The following MROH9 variants were observed in gnomAD, a reference collection of about 807,000 sequenced individuals.
MROH9 encodes maestro heat like repeat family member 9.
Under a neutral mutation model 98.2 loss-of-function variants are expected in MROH9, and 92 were observed. The observed-to-expected ratio is 0.94, with a 90% CI of 0.79 to 1.11. The LOEUF (loss-of-function observed/expected upper bound fraction) is 1.11. Among genes scored for constraint, MROH9 ranks in the 50% most tolerant of loss-of-function variants. The pLI is 0.00. For synonymous variants in MROH9, 397 were observed against 368.9 expected (o/e 1.08, Z -0.87); for missense variants, 1,057 against 1,014.8 (o/e 1.04, Z -0.57).
chr1:171,006,888 A>G (rs1651972910), intron 15 of MROH9, among the ~76,000 whole-genome samples: 1 of 151,526 alleles, frequency 6.6e-6, no homozygotes, highest in Admixed American at 6.6e-5. Context: ...TTAGTTGTCC[A>G]TCAGTGTTTT....
At chr1:171,011,336 G>C (rs1485713834) in intron 15 of MROH9, among the ~76,000 whole-genome samples, 1 of 152,134 alleles carries the variant, frequency 6.6e-6, no homozygotes, top group African/African-American at 2.4e-5. Context: ...CCACCCTACA[G>C]ATTACTTACT....
chr1:171,006,105 G>T (rs760123521), intron 15 of MROH9, among the ~76,000 whole-genome samples: 2 of 152,166 alleles, frequency 1.3e-5, no homozygotes, highest in Non-Finnish European at 2.9e-5. Flanking sequence ...TTTCTTGTAA[G>T]TTAGGTCTCA....
At chr1:171,056,108 G>A (rs1186811593) in intron 20 of MROH9, among the ~76,000 whole-genome samples, 1 of 152,208 alleles carries the variant, frequency 6.6e-6, no homozygotes, top group Admixed American at 6.5e-5. Flanking sequence ...CTCTGCTTAA[G>A]CCTGCCGAGC....
At chr1:171,019,224 A>G (rs1243527452) in intron 17 of MROH9, among the ~76,000 whole-genome samples, 1 of 152,266 alleles carries the variant, frequency 6.6e-6, no homozygotes, top group Non-Finnish European at 1.5e-5. Flanking sequence ...TCCTGGGTAA[A>G]TAATGAAATT....
rs1368573809 is a variant in MROH9 at position 171,064,610 on chromosome 1, A to G, written c.*270A>G. 1 of 307,592 alleles carries G rather than the reference A, an allele frequency of 3.3e-6. No individual in the cohort carries two copies. Among genetic ancestry groups the G allele is most frequent in the Non-Finnish European group, 5.9e-6 (1 of 170,112 alleles). 19.1% of individuals were successfully genotyped at this position (307,592 alleles called of 1,614,324 possible). On this transcript the variant is annotated 3_prime_UTR_variant, in exon 22 of 22. Coordinates refer to ENST00000367759, the MANE Select transcript of MROH9 (RefSeq NM_001163629.2). Reference sequence around the variant, plus strand: ...AACCACTAAGACAATTGAAAATAACATAAGCAAAGTGTTTGATGAGAAGCT... The same window carrying G: ...AACCACTAAGACAATTGAAAATAACGTAAGCAAAGTGTTTGATGAGAAGCT...
chr1:171,021,197 T>C (rs2101838826), intron 17 of MROH9, among the ~76,000 whole-genome samples: 1 of 152,312 alleles, frequency 6.6e-6, no homozygotes, highest in East Asian at 1.9e-4. Flanking sequence ...AAGTAATTTA[T>C]AGATTCAGTG....
At chr1:171,040,846 T>C (rs762443502) in intron 20 of MROH9, among the ~76,000 whole-genome samples, 1 of 152,078 alleles carries the variant, frequency 6.6e-6, no homozygotes, top group Admixed American at 6.5e-5. Context: ...AATTATCACA[T>C]AGAATGGCAT....
chr1:170,950,214 C>T (rs951907746), intron 3 of MROH9, among the ~76,000 whole-genome samples: 3 of 152,016 alleles, frequency 2.0e-5, no homozygotes, highest in African/African-American at 7.2e-5. Context: ...AAAATCCTTG[C>T]CTGCTCTGGG....
chr1:171,029,339 T>C (rs1372028232), intron 20 of MROH9, among the ~76,000 whole-genome samples: 1 of 151,898 alleles, frequency 6.6e-6, no homozygotes, highest in African/African-American at 2.4e-5. Flanking sequence ...GCCTCCTGAG[T>C]AGCTAGGGTT....
chr1:170,951,951 A>G (rs1649569150), intron 3 of MROH9, among the ~76,000 whole-genome samples: 5 of 152,146 alleles, frequency 3.3e-5, no homozygotes, highest in Non-Finnish European at 5.9e-5. Flanking sequence ...ATATGAACAG[A>G]CACTTCTCAA....
chr1:171,015,787 A>G (rs1652304137), intron 16 of MROH9, among the ~76,000 whole-genome samples: 1 of 152,196 alleles, frequency 6.6e-6, no homozygotes, highest in South Asian at 2.1e-4. Flanking sequence ...TCAAGCTTTC[A>G]AAGGGACATC....
At chr1:170,994,731 A>G (rs1422449943) in intron 12 of MROH9, among the ~76,000 whole-genome samples, 3 of 151,474 alleles carry the variant, frequency 2.0e-5, no homozygotes, top group Non-Finnish European at 4.4e-5. Context: ...AACCATCCCC[A>G]CCTCCCCCAT....
chr1:170,942,621 T>C (rs769929321), intron 1 of MROH9, among the ~76,000 whole-genome samples: 20 of 152,054 alleles, frequency 1.3e-4, no homozygotes, highest in Non-Finnish European at 2.4e-4. Flanking sequence ...AACAGCTGAA[T>C]TGTATGGAAA....
intron 20 of MROH9, among the ~76,000 whole-genome samples, chr1:171,029,808 A>T (rs1652847376): frequency 6.6e-6 from 1 of 152,186 alleles, no homozygotes; most frequent in African/African-American, 2.4e-5. Context: ...TGCTGGCTTC[A>T]TAAAATGAGT....
intron 12 of MROH9, 21 bp from the exon 13 acceptor site, chr1:170,995,368 T>A: frequency 6.2e-7 from 1 of 1,612,522 alleles, no homozygotes; most frequent in Middle Eastern, 1.7e-4. Context: ...CATTTCTACC[T>A]CCTATTTCCT....
Position 170,976,960 on chromosome 1 carries a change from T to G in MROH9, c.616+5077T>G, listed in dbSNP as rs2101792475. Among the ~76,000 whole-genome samples, 3 of 152,286 alleles carry G rather than the reference T, an allele frequency of 2.0e-5. No individual in the cohort carries two copies. The Middle Eastern group carries it at 0.01, about 518-fold the overall frequency. On this transcript the variant is annotated intron_variant, in intron 8 of 21. Coordinates refer to ENST00000367759, the MANE Select transcript of MROH9 (RefSeq NM_001163629.2). ...TCTGGTTTCTTTTTTTTCTTTTTTT[T>G]CTGACTGCCTTAATTCAGAGAGCCA... is the stretch of plus-strand genomic sequence containing the variant.
In MROH9 at chr1:170,959,559, G is replaced by T. The variant is rs771569532; in HGVS notation, c.250G>T (p.Glu84Ter). 1 of 1,613,756 alleles carries T rather than the reference G, an allele frequency of 6.2e-7. No homozygotes were observed. Among genetic ancestry groups the T allele is most frequent in the Non-Finnish European group, 8.5e-7 (1 of 1,179,858 alleles). ...CATGCCAAGTCTTGACAAAGTAAAA[G>T]AAATGGGGAGCAGTTATGAGTACAT... ...VVMPSLDKVK[E>*]MGSSYEYIED... The change falls in exon 5 of 22, where the codon GAA (glutamate) becomes TAA (stop). Residue 84 changes from glutamate (E) to a stop codon, truncating the protein, a stop_gained. Transcript: ENST00000367759. LOFTEE classifies it high-confidence loss of function.
intron 21 of MROH9, 79 bp downstream of exon 21, chr1:171,062,273 G>A: frequency 1.9e-6 from 2 of 1,039,414 alleles, no homozygotes; most frequent in Non-Finnish European, 2.9e-6. Flanking sequence ...TCACATATGA[G>A]TTCTGTTAGA....
At chr1:170,964,872 G>C (rs898400055) in intron 6 of MROH9, among the ~76,000 whole-genome samples, 1 of 152,056 alleles carries the variant, frequency 6.6e-6, no homozygotes, top group Non-Finnish European at 1.5e-5. Flanking sequence ...GCTTCGTACT[G>C]AACTATTCAT....
Sources: allele counts gnomAD v4.1 joint callset (sites outside exome capture counted in the v4.1 genomes callset), GRCh38; gene constraint gnomAD v4.1.1; transcripts MANE v1.5; gene names NCBI Gene and HGNC (gene_info 2026-07-23, HGNC 2026-07-21).